The following FSTL4 variants were observed in gnomAD, a reference collection of about 807,000 sequenced individuals.
FSTL4 encodes follistatin-related protein 4.
FSTL4 carries 28 observed loss-of-function variants against 78.2 expected under a neutral mutation model. The observed-to-expected ratio is 0.36, with a 90% CI of 0.27 to 0.49. FSTL4 has a LOEUF of 0.49. Among genes scored for constraint, FSTL4 ranks in the 20% least tolerant of loss-of-function variants. FSTL4 has a pLI of 0.98. For missense variants in FSTL4, 922 were observed against 1,084.9 expected (o/e 0.85, Z 2.11); for synonymous variants, 422 against 440.5 (o/e 0.96, Z 0.53).
the FSTL4 span, among the ~76,000 whole-genome samples, chr5:133,648,120 T>C: frequency 6.6e-6 from 1 of 152,104 alleles, no homozygotes; most frequent in Admixed American, 6.6e-5. Context: ...ACTAAACCTC[T>C]TTTTCTTCCC....
chr5:133,540,020 A>G (rs1759434886), intron 3 of FSTL4, among the ~76,000 whole-genome samples: 1 of 151,708 alleles, frequency 6.6e-6, no homozygotes, highest in Non-Finnish European at 1.5e-5. Context: ...TATCTTCCAT[A>G]GTGTGGGTGA....
At chr5:133,450,144 T>G (rs920223538) in intron 3 of FSTL4, among the ~76,000 whole-genome samples, 1 of 152,240 alleles carries the variant, frequency 6.6e-6, no homozygotes, top group Non-Finnish European at 1.5e-5. Flanking sequence ...ACACAAATAC[T>G]AGTCTTTCCT....
the FSTL4 span, among the ~76,000 whole-genome samples, chr5:133,814,700 A>G: frequency 2.6e-5 from 4 of 152,208 alleles, no homozygotes; most frequent in African/African-American, 9.6e-5. Flanking sequence ...CTATGTTGAG[A>G]GCGGAAGTCT....
chr5:133,467,795 C>T (rs988185362), intron 3 of FSTL4, among the ~76,000 whole-genome samples: 47 of 152,324 alleles, frequency 3.1e-4, no homozygotes, highest in African/African-American at 1.1e-3. Context: ...CTGGTGACTG[C>T]TTTCTGGCTG....
chr5:133,591,538 A>G (rs1302053355), intron 2 of FSTL4, among the ~76,000 whole-genome samples: 2 of 151,880 alleles, frequency 1.3e-5, no homozygotes, highest in Non-Finnish European at 2.9e-5. Context: ...CTGCACCCAC[A>G]TCCTCCCCTC....
At chr5:133,364,476 C>T (rs556394053) in intron 4 of FSTL4, among the ~76,000 whole-genome samples, 18 of 152,330 alleles carry the variant, frequency 1.2e-4, no homozygotes, top group African/African-American at 4.3e-4. Flanking sequence ...CTGCTGAGCC[C>T]TGATTCAAGG....
intron 3 of FSTL4, among the ~76,000 whole-genome samples, chr5:133,536,760 G>C (rs189073716): frequency 3.2e-4 from 49 of 152,036 alleles, no homozygotes; most frequent in Non-Finnish European, 2.4e-4. Flanking sequence ...TTTTCACTCT[G>C]GGTATAGTAT....
intron 6 of FSTL4, among the ~76,000 whole-genome samples, chr5:133,307,881 C>T (rs1423158150): frequency 2.0e-5 from 3 of 151,618 alleles, no homozygotes; most frequent in East Asian, 3.9e-4. Flanking sequence ...CCTGGGTTCA[C>T]GCCATTCTCC....
intron 4 of FSTL4, among the ~76,000 whole-genome samples, chr5:133,380,914 A>G (rs1252305026): frequency 6.6e-6 from 1 of 152,096 alleles, no homozygotes; most frequent in Admixed American, 6.6e-5. Flanking sequence ...TATCCCAGGA[A>G]TGTAAGATTG....
chr5:133,341,548 A>G (rs1463871934), intron 4 of FSTL4, among the ~76,000 whole-genome samples: 1 of 152,124 alleles, frequency 6.6e-6, no homozygotes, highest in Non-Finnish European at 1.5e-5. Context: ...GAGACCTCTC[A>G]GACAGGAACC....
chr5:133,487,427 T>G (rs1451303700), intron 3 of FSTL4, among the ~76,000 whole-genome samples: 2 of 152,200 alleles, frequency 1.3e-5, no homozygotes, highest in African/African-American at 4.8e-5. Flanking sequence ...TCAGCATCAC[T>G]CACAAAGTCC....
intron 3 of FSTL4, among the ~76,000 whole-genome samples, chr5:133,465,825 A>G (rs938470879): frequency 6.6e-6 from 1 of 152,272 alleles, no homozygotes; most frequent in Non-Finnish European, 1.5e-5. Context: ...GCAGCATGCA[A>G]CATGGGCACT....
intron 6 of FSTL4, among the ~76,000 whole-genome samples, chr5:133,286,458 C>T (rs922188759): frequency 1.2e-4 from 18 of 152,168 alleles, no homozygotes; most frequent in African/African-American, 2.4e-4. Context: ...CTGTGGAGCA[C>T]GTTTTTGATG....
intron 3 of FSTL4, among the ~76,000 whole-genome samples, chr5:133,486,377 G>C (rs540156156): frequency 3.4e-4 from 52 of 151,286 alleles, no homozygotes; most frequent in African/African-American, 1.3e-3. Context: ...GAGACAGGTT[G>C]GGGGAGAGGA....
chr5:133,221,908 T>TTTTTTTTG (rs1751133854), intron 11 of FSTL4, among the ~76,000 whole-genome samples: 6 of 113,274 alleles, frequency 5.3e-5, no homozygotes, highest in African/African-American at 1.3e-4. Flanking sequence ...TTTTTTTTTT[T>TTTTTTTTG]TTTTTTTTTT....
At chr5:133,289,685 G>C (rs1236119513) in intron 6 of FSTL4, among the ~76,000 whole-genome samples, 2 of 152,236 alleles carry the variant, frequency 1.3e-5, no homozygotes, top group Non-Finnish European at 2.9e-5. Context: ...TAGTCCTGCA[G>C]CCTGTCCTGG....
chr5:133,712,053 C>T, the FSTL4 span, among the ~76,000 whole-genome samples: 4 of 152,268 alleles, frequency 2.6e-5, no homozygotes, highest in Non-Finnish European at 4.4e-5. Flanking sequence ...ATCCCCAGGC[C>T]GCCCAAGAAC....
intron 2 of FSTL4, among the ~76,000 whole-genome samples, chr5:133,582,467 C>A (rs555415865): frequency 2.6e-5 from 4 of 152,322 alleles, no homozygotes; most frequent in Non-Finnish European, 4.4e-5. Context: ...CCACAAACAG[C>A]ATCCTGGTTG....
chr5:133,202,790 GAC>G (rs2126761139), intron 14 of FSTL4: 1 of 152,402 alleles, frequency 6.6e-6, no homozygotes, highest in East Asian at 1.9e-4. Flanking sequence ...AATTGGTAGT[GAC>G]AGAGCACGGC....
Sources: allele counts gnomAD v4.1 joint callset (sites outside exome capture counted in the v4.1 genomes callset), GRCh38; gene constraint gnomAD v4.1.1; transcripts MANE v1.5; gene names NCBI Gene and HGNC (gene_info 2026-07-23, HGNC 2026-07-21).